GPATCH2: variants seen among roughly 807,000 people sequenced by gnomAD.
GPATCH2 encodes the protein G patch domain-containing protein 2.
GPATCH2 carries 51 observed loss-of-function variants against 58.0 expected under a neutral mutation model. The observed-to-expected ratio is 0.88, with a 90% CI of 0.70 to 1.11. The LOEUF is 1.11. Among genes scored for constraint, GPATCH2 ranks in the 50% most tolerant of loss-of-function variants. The probability of loss-of-function intolerance (pLI) is 0.00; values close to 1 mark genes in which losing one functional copy is unlikely to be tolerated. For missense variants in GPATCH2, 625 were observed against 652.2 expected, an observed-to-expected ratio of 0.96 and a Z score of 0.45; for synonymous variants, 222 against 218.5, an observed-to-expected ratio of 1.02 and a Z score of -0.14.
intron 3 of GPATCH2, among the ~76,000 whole-genome samples, chr1:217,612,551 C>T (rs1668684940): frequency 6.6e-6 from 1 of 152,026 alleles, no homozygotes; most frequent in African/African-American, 2.4e-5. Flanking sequence ...TTTCAAAACA[C>T]ACAATTAACA....
intron 5 of GPATCH2, among the ~76,000 whole-genome samples, chr1:217,537,302 T>C (rs1664525011): frequency 6.6e-6 from 1 of 152,176 alleles, no homozygotes; most frequent in African/African-American, 2.4e-5. Context: ...GACAATACAG[T>C]CTGTTTCAAT....
chr1:217,572,491 C>A (rs1052481872), intron 5 of GPATCH2, among the ~76,000 whole-genome samples: 3 of 152,060 alleles, frequency 2.0e-5, no homozygotes, highest in African/African-American at 7.2e-5. Flanking sequence ...TCGTGGGCAC[C>A]CTGTGTTTGC....
intron 5 of GPATCH2, among the ~76,000 whole-genome samples, chr1:217,598,930 A>G (rs145820221): frequency 1.3e-5 from 2 of 152,246 alleles, no homozygotes; most frequent in African/African-American, 4.8e-5. Flanking sequence ...TGGCAGAGAC[A>G]GAAGATATAA....
At chr1:217,433,657 A>T (rs1366279980) in intron 9 of GPATCH2, among the ~76,000 whole-genome samples, 2 of 152,070 alleles carry the variant, frequency 1.3e-5, no homozygotes, top group Non-Finnish European at 2.9e-5. Context: ...TAGCCTCCCA[A>T]AGTTCTGGGA....
chr1:217,575,771 G>C (rs1666775688), intron 5 of GPATCH2, among the ~76,000 whole-genome samples: 1 of 152,038 alleles, frequency 6.6e-6, no homozygotes, highest in African/African-American at 2.4e-5. Flanking sequence ...TAAAATGTAA[G>C]GGTAATCAGA....
chr1:217,490,433 G>A (rs531191447), intron 8 of GPATCH2, among the ~76,000 whole-genome samples: 23 of 152,050 alleles, frequency 1.5e-4, no homozygotes, highest in Non-Finnish European at 3.2e-4. Context: ...AATTCTTAGC[G>A]ACCATCTCAT....
chr1:217,454,405 C>G (rs899318395), intron 8 of GPATCH2, among the ~76,000 whole-genome samples: 1 of 151,696 alleles, frequency 6.6e-6, no homozygotes, highest in East Asian at 2.0e-4. Context: ...CTGGCTAACA[C>G]GGTGAAACCC....
At chr1:217,528,595 G>C (rs748657273) in intron 5 of GPATCH2, among the ~76,000 whole-genome samples, 1 of 152,202 alleles carries the variant, frequency 6.6e-6, no homozygotes, top group East Asian at 1.9e-4. Context: ...TAAGGTGGAA[G>C]GTCAGAGAAG....
At chr1:217,583,362 G>A (rs1050748042) in intron 5 of GPATCH2, among the ~76,000 whole-genome samples, 2 of 151,980 alleles carry the variant, frequency 1.3e-5, no homozygotes, top group African/African-American at 4.8e-5. Context: ...ATGAGGTCAG[G>A]AGTTTGAGAC....
chr1:217,630,776 G>C, intron 1 of GPATCH2, 140 bp downstream of exon 1: 1 of 622,302 alleles, frequency 1.6e-6, no homozygotes, highest in Non-Finnish European at 2.8e-6. Context: ...GTGCATCCCA[G>C]GAATGAGTGA....
chr1:217,560,621 T>C (rs919498715), intron 5 of GPATCH2, among the ~76,000 whole-genome samples: 3 of 152,222 alleles, frequency 2.0e-5, no homozygotes, highest in Non-Finnish European at 2.9e-5. Context: ...GGCCCAACAA[T>C]TATGAACCTC....
chr1:217,458,446 T>A (rs1571736834), intron 8 of GPATCH2, among the ~76,000 whole-genome samples: 1 of 152,180 alleles, frequency 6.6e-6, no homozygotes, highest in Non-Finnish European at 1.5e-5. Flanking sequence ...GAAATTCAGG[T>A]AATTATTACA....
intron 5 of GPATCH2, among the ~76,000 whole-genome samples, chr1:217,589,583 T>C (rs1667497185): frequency 6.6e-6 from 1 of 152,124 alleles, no homozygotes; most frequent in Non-Finnish European, 1.5e-5. Flanking sequence ...CTTTAAAAGA[T>C]CCAAGAGTTA....
At chr1:217,480,181 C>T (rs779140465) in intron 8 of GPATCH2, among the ~76,000 whole-genome samples, 1 of 151,726 alleles carries the variant, frequency 6.6e-6, no homozygotes, top group Non-Finnish European at 1.5e-5. Flanking sequence ...GCAAAGGGAA[C>T]AATCAACAAA....
intron 2 of GPATCH2, among the ~76,000 whole-genome samples, chr1:217,617,186 C>T (rs147845369): frequency 9.2e-5 from 14 of 152,234 alleles, no homozygotes; most frequent in Non-Finnish European, 1.9e-4. Flanking sequence ...ATGCTTTTTG[C>T]TGTAATTCTG....
chr1:217,526,217 CA>C (rs575753388), intron 5 of GPATCH2, among the ~76,000 whole-genome samples: 58 of 152,244 alleles, frequency 3.8e-4, no homozygotes, highest in South Asian at 1.0e-3. Flanking sequence ...ATAGTCTCAA[CA>C]CTTTTAAACT....
intron 5 of GPATCH2, among the ~76,000 whole-genome samples, chr1:217,593,415 T>C (rs1667679200): frequency 6.6e-6 from 1 of 152,014 alleles, no homozygotes; most frequent in Non-Finnish European, 1.5e-5. Flanking sequence ...TGTCCTATTG[T>C]ATTTTATGGA....
Position 217,631,067 on chromosome 1 carries a change from T to C in GPATCH2, c.-96A>G. ...ACTTCCAAAGAGCAGTTCAGCATTT[T>C]GAGATGAGCTTCCGGAAGCCGACAG... On this transcript the variant is annotated 5_prime_UTR_variant, in exon 1 of 10. Coordinates refer to ENST00000366935, the MANE Select transcript of GPATCH2 (RefSeq NM_018040.5). The C allele has an allele frequency of 4.2e-6, 5 of 1,203,884 alleles. No individual in the cohort carries two copies. The East Asian group carries it at 1.0e-4, about 25-fold the overall frequency. 74.6% of individuals were successfully genotyped at this position (1,203,884 alleles called of 1,614,324 possible).
At chr1:217,529,241 C>T (rs1664069605) in intron 5 of GPATCH2, among the ~76,000 whole-genome samples, 6 of 152,152 alleles carry the variant, frequency 3.9e-5, no homozygotes, top group South Asian at 2.1e-4. Flanking sequence ...TTTTTCACTT[C>T]CTGCCATGGT....
Sources: gnomAD v4.1 joint callset for allele counts (sites outside exome capture counted in the v4.1 genomes callset) on GRCh38, gnomAD v4.1.1 for gene constraint, MANE v1.5 for transcripts, NCBI Gene and HGNC (gene_info 2026-07-23, HGNC 2026-07-21) for gene names.